SGSM3: variants seen among roughly 807,000 people sequenced by gnomAD.
SGSM3 encodes small G protein signaling modulator 3, also known as RUN and SH3 containing 3.
A neutral mutation model predicts 100.5 loss-of-function variants in SGSM3; 96 were observed. The observed-to-expected ratio is 0.96, with a 90% CI of 0.81 to 1.13. SGSM3 has a LOEUF of 1.13. SGSM3 is among the 50% of genes most tolerant of loss of function. The pLI is 0.00. For synonymous variants in SGSM3, 483 were observed against 422.8 expected, an observed-to-expected ratio of 1.14 and a Z score of -1.75; for missense variants, 1,001 against 1,015.8, an observed-to-expected ratio of 0.99 and a Z score of 0.20.
At chr22:40,387,553 C>T (rs1389246029) in intron 1 of SGSM3, 1 of 213,306 alleles carries the variant, frequency 4.7e-6, no homozygotes, top group Non-Finnish European at 9.2e-6. Flanking sequence ...CTTTGCCAGT[C>T]AGCCCTTAAG....
At position 40,402,304 on chromosome 22, in the gene SGSM3, G is replaced by C; in HGVS notation, c.157+99G>C. 4 of 893,342 alleles carry C rather than the reference G, an allele frequency of 4.5e-6. 1 individual carries two copies. Among genetic ancestry groups the C allele is most frequent in the South Asian group, 4.0e-5 (3 of 74,672 alleles). The allele number at this position is 893,342 out of a possible 1,614,324, so 55.3% of individuals were successfully genotyped here. Reference sequence around the variant, plus strand: ...ACTCGGCCTGTGATGGCTGAGCTCTGATGCGTCAGGGTTCCAGATTTAAGG... The same window carrying C: ...ACTCGGCCTGTGATGGCTGAGCTCTCATGCGTCAGGGTTCCAGATTTAAGG... On this transcript the variant is annotated intron_variant, in intron 4 of 21. Coordinates refer to ENST00000248929, the MANE Select transcript of SGSM3 (RefSeq NM_015705.6).
intron 14 of SGSM3, 65 bp from the exon 15 acceptor site, chr22:40,408,006 C>T: frequency 1.3e-6 from 2 of 1,550,630 alleles, no homozygotes; most frequent in Non-Finnish European, 1.8e-6. Context: ...AGCCTGCCTG[C>T]AGGCTGTGTC....
At position 40,407,535 on chromosome 22, in the gene SGSM3, C is replaced by G. The variant is rs764642674; in HGVS notation, c.1491C>G (p.Asp497Glu). 9 of 1,605,946 alleles carry G rather than the reference C, an allele frequency of 5.6e-6. No individual in the cohort carries two copies. In the Admixed American group the frequency reaches 1.5e-4, roughly 27 times the overall value. The part of the protein sequence containing the change: ...ALLDFERHDD[D>E]ELGFRKNDII... ...TGGACTTTGAGCGGCACGACGACGA[C>G]GAGCTGGGCTTCCGCAAGAACGACA... Residue 497 changes from aspartate (D) to glutamate (E), a missense_variant, in exon 13 of 22, where the codon GAC becomes GAG. Physicochemically the swap from Asp to Glu is conservative, Grantham distance 45. Transcript: ENST00000248929. The surrounding 1 kb of genome is among the most constrained non-coding windows in gnomAD (Gnocchi z 4.7).
intron 1 of SGSM3, among the ~76,000 whole-genome samples, chr22:40,400,069 A>G (rs2050541056): frequency 6.6e-6 from 1 of 152,112 alleles, no homozygotes; most frequent in Admixed American, 6.6e-5. Context: ...TCACTTACCT[A>G]ATTCTTCCCG....
At chr22:40,397,348 C>T (rs1438862240) in intron 1 of SGSM3, among the ~76,000 whole-genome samples, 3 of 152,050 alleles carry the variant, frequency 2.0e-5, no homozygotes, top group Non-Finnish European at 1.5e-5. Context: ...AGGAGGATCA[C>T]TTAAGCTCAG....
chr22:40,405,230 C>T lies in SGSM3; in HGVS notation c.564C>T (p.Leu188=). The T allele has an allele frequency of 1.9e-6, 3 of 1,576,236 alleles. No individual in the cohort carries two copies. Among genetic ancestry groups the T allele is most frequent in the South Asian group, 1.1e-5 (1 of 87,062 alleles). The change falls in exon 7 of 22, where the codon CTC becomes CTT. Residue 188 remains leucine, a synonymous_variant. Coordinates refer to ENST00000248929, the MANE Select transcript of SGSM3 (RefSeq NM_015705.6). ...GGGTGCCCCGCCTGCGCAGGGTGCT[C>T]CGGGCCCTGGCCTGGCTCTACCCAG... ...SIGVPRLRRV[L]RALAWLYPEI...
rs1247499309 is a variant in SGSM3 at position 40,409,922 on chromosome 22, A to G, written c.*163A>G. On this transcript the variant is annotated 3_prime_UTR_variant, in exon 22 of 22. Transcript: ENST00000248929. ...TCCCCAGCACATCCCAGGTGGTGGG[A>G]GCAGAGGGTACCCTGCCCCACCAGG... 8 of 1,410,270 alleles carry G rather than the reference A, an allele frequency of 5.7e-6. No individual in the cohort carries two copies. The highest frequency in any genetic ancestry group is 1.5e-5 in the African/African-American group (1 of 68,814). The allele number at this position is 1,410,270 out of a possible 1,614,324, so 87.4% of individuals were successfully genotyped here.
Position 40,407,806 on chromosome 22 carries a change from C to A in SGSM3, c.1542C>A (p.Asp514Glu). 2 of 1,613,868 alleles carry A rather than the reference C, an allele frequency of 1.2e-6. No homozygotes were observed. The highest frequency in any genetic ancestry group is 8.5e-7 in the Non-Finnish European group (1 of 1,179,946). Residue 514 changes from aspartate (D) to glutamate (E), a missense_variant, in exon 14 of 22, where the codon GAC becomes GAA. Physicochemically the swap from Asp to Glu is conservative, Grantham distance 45. Transcript: ENST00000248929. This position sits in a 1 kb window ranked among gnomAD's most constrained non-coding sequence, Gnocchi z 4.7. ...NDIITIVSQKDEHCWVGELNG... is the reference protein window; with the variant it reads ...NDIITIVSQKEEHCWVGELNG... ...CTGTGCAGATCGTGTCTCAGAAGGA[C>A]GAGCACTGCTGGGTGGGGGAGCTCA...
chr22:40,401,252 AT>A (rs377058293), intron 2 of SGSM3, among the ~76,000 whole-genome samples: 14 of 148,932 alleles, frequency 9.4e-5, no homozygotes, highest in Non-Finnish European at 1.0e-4. Context: ...TGCATTTTCT[AT>A]TTTTTTTTTA....
intron 1 of SGSM3, among the ~76,000 whole-genome samples, chr22:40,400,390 T>G (rs2050591836): frequency 6.6e-6 from 1 of 152,158 alleles, no homozygotes; most frequent in Non-Finnish European, 1.5e-5. Context: ...ATGCTTGTAA[T>G]CCCAGCACTT....
In SGSM3 at chr22:40,406,173, G is replaced by C. The variant is rs780477111; in HGVS notation, c.910G>C (p.Glu304Gln). 4 of 1,614,130 alleles carry C rather than the reference G, an allele frequency of 2.5e-6. No homozygotes were observed. Among genetic ancestry groups the C allele is most frequent in the Non-Finnish European group, 1.7e-6 (2 of 1,180,038 alleles). ...GCGCATCTGGGACCTGTTTTTCTAC[G>C]AGGGCTCCCGGGTGCTGTTCCAGCT... ...LLRIWDLFFY[E>Q]GSRVLFQLTL... The change falls in exon 9 of 22, where the codon GAG (glutamate) becomes CAG (glutamine). Residue 304 changes from glutamate to glutamine, a missense_variant. By Grantham distance (29) the Glu-to-Gln change is conservative. Coordinates refer to ENST00000248929, the MANE Select transcript of SGSM3 (RefSeq NM_015705.6).
At chr22:40,389,624 A>G (rs1295208473) in intron 1 of SGSM3, among the ~76,000 whole-genome samples, 4 of 118,098 alleles carry the variant, frequency 3.4e-5, no homozygotes, top group African/African-American at 6.3e-5. Context: ...AAAAAAAAAA[A>G]GGGCCGGGCG....
Position 40,407,374 on chromosome 22 carries a change from C to T in SGSM3, c.1369-39C>T, listed in dbSNP as rs756988233. The stretch of plus-strand genomic sequence containing the variant: ...GCTGCTACCAAACACGGCCCTAACT[C>T]CTCCAACCCCCTTGGTGGGCCTGTG... On this transcript the variant is annotated intron_variant, in intron 12 of 21. Transcript: ENST00000248929. This position sits in a 1 kb window ranked among gnomAD's most constrained non-coding sequence, Gnocchi z 4.7. 1.2e-6 allele frequency: 2 copies of T among 1,612,186 alleles called. No homozygotes were observed. The highest frequency in any genetic ancestry group is 1.7e-6 in the Non-Finnish European group (2 of 1,179,004).
At chr22:40,406,342 G>C (rs2051514303) in intron 9 of SGSM3, 96 bp from the exon 10 acceptor site, 25 of 1,508,718 alleles carry the variant, frequency 1.7e-5, no homozygotes, top group Non-Finnish European at 2.1e-5. Flanking sequence ...CTGTGCCAAG[G>C]CAAACGGGTC....
At chr22:40,381,477 G>C (rs2047573576) in intron 1 of SGSM3, among the ~76,000 whole-genome samples, 1 of 152,114 alleles carries the variant, frequency 6.6e-6, no homozygotes, top group Non-Finnish European at 1.5e-5. Flanking sequence ...GCAAGATAGT[G>C]CATTTAGGAA....
intron 19 of SGSM3, 65 bp downstream of exon 19, chr22:40,409,083 G>C: frequency 6.4e-7 from 1 of 1,551,734 alleles, no homozygotes; most frequent in Admixed American, 2.0e-5. Flanking sequence ...GCATCAGGGG[G>C]GGTCCTTACA....
At chr22:40,396,508 G>A (rs1215312641) in intron 1 of SGSM3, among the ~76,000 whole-genome samples, 10 of 149,466 alleles carry the variant, frequency 6.7e-5, no homozygotes, top group Non-Finnish European at 1.0e-4. Context: ...CAGGAGAATC[G>A]CTTGAACCTG....
intron 7 of SGSM3, 74 bp from the exon 8 acceptor site, chr22:40,405,575 C>T (rs997611337): frequency 8.7e-5 from 124 of 1,420,376 alleles, no homozygotes; most frequent in Middle Eastern, 5.5e-4. Context: ...AATTGGTCTC[C>T]CTAGGGTAGG....
In SGSM3 at chr22:40,409,316, CCAGCCCTGGTCCTTCCTGCG is replaced by C; in HGVS notation, c.2062_2081del (p.Trp688GlyfsTer8). On this transcript the variant is annotated frameshift_variant, in exon 20 of 22. Transcript: ENST00000248929. LOFTEE classifies it high-confidence loss of function. Reference sequence around the variant, plus strand: ...GCCTGCCCACCGTGGAGAAGTGGTACCAGCCCTGGTCCTTCCTGCGCAGCCCGGGCTGGGTCCAGATCAAG... The same window carrying C: ...GCCTGCCCACCGTGGAGAAGTGGTACCAGCCCGGGCTGGGTCCAGATCAAG... 6.2e-7 allele frequency: 1 copy of C among 1,613,274 alleles called. No individual in the cohort carries two copies. The highest frequency in any genetic ancestry group is 8.5e-7 in the Non-Finnish European group (1 of 1,179,916).
Sources: gnomAD v4.1 joint callset for allele counts (sites outside exome capture counted in the v4.1 genomes callset) on GRCh38, gnomAD v4.1.1 for gene constraint, Gnocchi (gnomAD v3.1) non-coding constraint, MANE v1.5 for transcripts, NCBI Gene and HGNC (gene_info 2026-07-23, HGNC 2026-07-21) for gene names.